Variants in ZNF563 observed in about 807,000 individuals in gnomAD.
ZNF563 encodes zinc finger protein 563.
Under a neutral mutation model 48.5 loss-of-function variants are expected in ZNF563, and 39 were observed. The observed-to-expected ratio is 0.80, with a 90% CI of 0.62 to 1.05. The LOEUF (loss-of-function observed/expected upper bound fraction) is 1.05, where lower values mean the gene tolerates loss of function less well. Among genes scored for constraint, ZNF563 ranks in the 50% least tolerant of loss-of-function variants. The pLI is 0.00. For synonymous variants in ZNF563, 168 were observed against 187.9 expected (o/e 0.89, Z 0.87); for missense variants, 538 against 597.0 (o/e 0.90, Z 1.03).
chr19:12,334,145 C>T (rs145880259), upstream of ZNF563, among the ~76,000 whole-genome samples: 1 of 152,134 alleles, frequency 6.6e-6, no homozygotes. Flanking sequence ...GTTAAGCCTT[C>T]CTCTCTCACC....
upstream of ZNF563, among the ~76,000 whole-genome samples, chr19:12,335,120 T>C (rs1395947938): frequency 6.6e-6 from 1 of 151,972 alleles, no homozygotes; most frequent in Non-Finnish European, 1.5e-5. Flanking sequence ...TGCTGCCCAC[T>C]CCAGGTGGCT....
chr19:12,328,256 G>C (rs1968840834), intron 1 of ZNF563, among the ~76,000 whole-genome samples: 1 of 152,226 alleles, frequency 6.6e-6, no homozygotes, highest in South Asian at 2.1e-4. Context: ...GGAGGCCAAA[G>C]TGGAAGGATT....
Position 12,318,274 on chromosome 19 carries a change from TGA to T in ZNF563, c.*318_*319del, listed in dbSNP as rs376019912. 2.3e-5 allele frequency: 8 copies of T among 342,846 alleles called. No individual in the cohort carries two copies. The highest frequency in any genetic ancestry group is 1.3e-4 in the African/African-American group (6 of 46,648). 21.2% of individuals were successfully genotyped at this position (342,846 alleles called of 1,614,324 possible). ...ACCCTAAGTGCTGGGATTACAGGCG[TGA>T]GCCACTGTGCCCAGCCTCATGTACT... On this transcript the variant is annotated 3_prime_UTR_variant, in exon 4 of 4. Transcript: ENST00000293725.
At chr19:12,328,710 G>A (rs12327597) in intron 1 of ZNF563, among the ~76,000 whole-genome samples, 7,701 of 151,852 alleles carry the variant, frequency 0.051, 268 homozygotes, top group Middle Eastern at 0.1. Context: ...TGGAGGTTGC[G>A]GTGAGCCGAA....
the ZNF563 span, among the ~76,000 whole-genome samples, chr19:12,343,580 G>A: frequency 6.6e-6 from 1 of 152,064 alleles, no homozygotes; most frequent in African/African-American, 2.4e-5. Context: ...ACCAAAAGTT[G>A]GTTTGTGGAA....
chr19:12,341,951 C>T, the ZNF563 span, among the ~76,000 whole-genome samples: 1 of 152,160 alleles, frequency 6.6e-6, no homozygotes. Context: ...CTAAGACAGA[C>T]CATAATTAGG....
Position 12,333,460 on chromosome 19 carries a change from G to C in ZNF563, c.3+20C>G, listed in dbSNP as rs746751619. ...ACCAGCTCTTTCCCACTTTTGGGAC[G>C]CCTGACCCTGCACACGCACCATTTC... On this transcript the variant is annotated intron_variant, in intron 1 of 3. Coordinates refer to ENST00000293725, the MANE Select transcript of ZNF563 (RefSeq NM_145276.3). 1 of 1,613,374 alleles carries C rather than the reference G, an allele frequency of 6.2e-7. No individual in the cohort carries two copies. The highest frequency in any genetic ancestry group is 1.3e-5 in the African/African-American group (1 of 75,030).
rs989975783 is a variant in ZNF563, at chr19:12,333,578, G to T, written c.-96C>A. ...GAGGCTGCCACAGACGTTCCAGGGCGTCTCTCAGCGACTGAGGCTACACAG... is the reference window on the plus strand; with the variant it reads ...GAGGCTGCCACAGACGTTCCAGGGCTTCTCTCAGCGACTGAGGCTACACAG... On this transcript the variant is annotated 5_prime_UTR_variant, in exon 1 of 4. Coordinates refer to ENST00000293725, the MANE Select transcript of ZNF563 (RefSeq NM_145276.3). 6.5e-7 allele frequency: 1 copy of T among 1,548,264 alleles called. No individual in the cohort carries two copies. Among genetic ancestry groups the T allele is most frequent in the Non-Finnish European group, 8.8e-7 (1 of 1,134,860 alleles).
rs879190114 is a variant in ZNF563 at position 12,318,654 on chromosome 19, G to C, written c.1371C>G (p.Ala457=). ...GPNKCKVCGK[A]FVYPSVCQRH... ...TTTGACATACACTGGGATAAACAAA[G>C]GCTTTCCCACATACCTTGCATTTAT... Residue 457 remains alanine, a synonymous_variant, in exon 4 of 4, where the codon GCC becomes GCG. Transcript: ENST00000293725. 5.0e-6 allele frequency: 8 copies of C among 1,613,954 alleles called. No individual in the cohort carries two copies. Among genetic ancestry groups the C allele is most frequent in the Non-Finnish European group, 6.8e-6 (8 of 1,180,024 alleles).
At chr19:12,330,191 A>G (rs1000937230) in intron 1 of ZNF563, among the ~76,000 whole-genome samples, 3 of 152,166 alleles carry the variant, frequency 2.0e-5, no homozygotes, top group Admixed American at 6.5e-5. Flanking sequence ...AAGTGCTAGG[A>G]TTACAGGCAT....
Position 12,333,504 on chromosome 19 carries a change from C to T in ZNF563, c.-22G>A. ...CCATTTCCCGGCTTCCGGGATGTTC[C>T]AGGGTCCTCCCTCTGCCTCCCGCTG... On this transcript the variant is annotated 5_prime_UTR_variant, in exon 1 of 4. Coordinates refer to ENST00000293725, the MANE Select transcript of ZNF563 (RefSeq NM_145276.3). The T allele has an allele frequency of 2.5e-6, 4 of 1,613,634 alleles. No individual in the cohort carries two copies. The highest frequency in any genetic ancestry group is 3.4e-6 in the Non-Finnish European group (4 of 1,179,790).
In ZNF563 at chr19:12,319,682, G is replaced by A; in HGVS notation, c.343C>T (p.His115Tyr). 1.2e-6 allele frequency: 2 copies of A among 1,614,092 alleles called. No individual in the cohort carries two copies. The highest frequency in any genetic ancestry group is 1.7e-6 in the Non-Finnish European group (2 of 1,180,036). The change falls in exon 4 of 4, where the codon CAT becomes TAT. Residue 115 changes from histidine to tyrosine, a missense_variant. By Grantham distance (83) the His-to-Tyr change is moderately conservative (BLOSUM62 2). Coordinates refer to ENST00000293725, the MANE Select transcript of ZNF563 (RefSeq NM_145276.3). ...SAECEEVIMG[H>Y]LSLNSHIRVD... ...CTGATGTGGCTATTAAGGGATAAAT[G>A]ACCCATTATGACTTCTTCACACTCA...
intron 1 of ZNF563, among the ~76,000 whole-genome samples, chr19:12,331,816 A>G (rs902957388): frequency 6.6e-6 from 1 of 152,230 alleles, no homozygotes; most frequent in African/African-American, 2.4e-5. Flanking sequence ...GTGTGGGCTC[A>G]GGACTCATCA....
Position 12,333,510 on chromosome 19 carries a change from C to T in ZNF563, c.-28G>A. 2 of 1,613,214 alleles carry T rather than the reference C, an allele frequency of 1.2e-6. No individual in the cohort carries two copies. The highest frequency in any genetic ancestry group is 1.7e-4 in the Middle Eastern group (1 of 6,056). On this transcript the variant is annotated 5_prime_UTR_variant, in exon 1 of 4. Transcript: ENST00000293725. ...CCCGGCTTCCGGGATGTTCCAGGGTCCTCCCTCTGCCTCCCGCTGCCAGTG... is the reference window on the plus strand; with the variant it reads ...CCCGGCTTCCGGGATGTTCCAGGGTTCTCCCTCTGCCTCCCGCTGCCAGTG...
chr19:12,342,476 A>AC, the ZNF563 span, among the ~76,000 whole-genome samples: 2 of 149,614 alleles, frequency 1.3e-5, no homozygotes, highest in African/African-American at 5.1e-5. Context: ...TCTCAAAAAA[A>AC]ACAAAAAAAA....
At chr19:12,320,842 A>C (rs775084842) in intron 3 of ZNF563, among the ~76,000 whole-genome samples, 8 of 152,126 alleles carry the variant, frequency 5.3e-5, no homozygotes, top group Non-Finnish European at 8.8e-5. Context: ...GAAATTTTTT[A>C]AGAATAAATA....
At chr19:12,340,371 AACC>A in the ZNF563 span, among the ~76,000 whole-genome samples, 1 of 152,116 alleles carries the variant, frequency 6.6e-6, no homozygotes, top group Non-Finnish European at 1.5e-5. Context: ...AAGAAAATGT[AACC>A]AGGCATATAG....
chr19:12,329,485 A>AG (rs1325649629), intron 1 of ZNF563, among the ~76,000 whole-genome samples: 3 of 151,652 alleles, frequency 2.0e-5, no homozygotes, highest in African/African-American at 4.8e-5. Context: ...AAAAAAAAAA[A>AG]AAAAGAAAAG....
chr19:12,337,216 T>G (rs769946345), upstream of ZNF563, among the ~76,000 whole-genome samples: 1 of 152,118 alleles, frequency 6.6e-6, no homozygotes, highest in Non-Finnish European at 1.5e-5. Context: ...TCTCTCTTTT[T>G]TTTTGAGACG....
Sources: allele counts gnomAD v4.1 joint callset (sites outside exome capture counted in the v4.1 genomes callset), GRCh38; gene constraint gnomAD v4.1.1; transcripts MANE v1.5; gene names NCBI Gene and HGNC (gene_info 2026-07-23, HGNC 2026-07-21).